The following MICU3 variants were observed in gnomAD, a reference collection of about 807,000 sequenced individuals.
The protein encoded by MICU3 is calcium uptake protein 3, mitochondrial.
MICU3 carries 62 observed loss-of-function variants against 66.5 expected under a neutral mutation model. The ratio of observed to expected loss-of-function variants is 0.93; its 90% CI spans 0.76 to 1.15. The LOEUF is 1.15. MICU3 is among the 50% of genes most tolerant of loss of function. MICU3 has a pLI of 0.00. For missense variants in MICU3, 779 were observed against 664.4 expected, an observed-to-expected ratio of 1.17 and a Z score of -1.90; for synonymous variants, 308 against 240.7, an observed-to-expected ratio of 1.28 and a Z score of -2.59.
At chr8:17,101,583 C>G (rs1385805899) in intron 9 of MICU3, among the ~76,000 whole-genome samples, 1 of 151,686 alleles carries the variant, frequency 6.6e-6, no homozygotes, top group Non-Finnish European at 1.5e-5. Context: ...AAAAACTGGC[C>G]GAATGAGGTC....
At chr8:17,117,517 A>T (rs1802797694) in intron 13 of MICU3, among the ~76,000 whole-genome samples, 2 of 152,268 alleles carry the variant, frequency 1.3e-5, no homozygotes, top group South Asian at 4.1e-4. Flanking sequence ...TGGATGTGCC[A>T]CAAATAGAAA....
chr8:17,116,158 C>A (rs1369542390), intron 12 of MICU3, among the ~76,000 whole-genome samples: 1 of 152,186 alleles, frequency 6.6e-6, no homozygotes, highest in Non-Finnish European at 1.5e-5. Flanking sequence ...AAAACCTATT[C>A]ATCTTACTAA....
intron 1 of MICU3, among the ~76,000 whole-genome samples, chr8:17,038,088 C>T (rs1283148137): frequency 1.3e-5 from 2 of 152,134 alleles, no homozygotes; most frequent in African/African-American, 4.8e-5. Context: ...AGATTTTGGA[C>T]TGTGGACTTT....
chr8:17,137,520 TTAA>T, the MICU3 span, among the ~76,000 whole-genome samples: 10 of 120,702 alleles, frequency 8.3e-5, no homozygotes, highest in Non-Finnish European at 1.3e-4. Context: ...CTGCTTTTTT[TTAA>T]AAAAAAAAAA....
chr8:17,070,179 T>C (rs1162974912), intron 3 of MICU3, among the ~76,000 whole-genome samples: 9 of 152,062 alleles, frequency 5.9e-5, no homozygotes, highest in African/African-American at 1.9e-4. Flanking sequence ...CTTGCTTATA[T>C]GCAGGAGAGG....
intron 8 of MICU3, among the ~76,000 whole-genome samples, chr8:17,096,517 C>G (rs1452225807): frequency 2.6e-5 from 4 of 151,802 alleles, no homozygotes; most frequent in Non-Finnish European, 5.9e-5. Context: ...AGGCATATCA[C>G]TGATTTATTA....
At chr8:17,052,634 T>C (rs1275326055) in intron 1 of MICU3, among the ~76,000 whole-genome samples, 1 of 152,188 alleles carries the variant, frequency 6.6e-6, no homozygotes, top group Non-Finnish European at 1.5e-5. Context: ...GAAGTACTAT[T>C]AGCTTGTCTT....
chr8:17,079,067 C>G (rs904459269), intron 4 of MICU3, among the ~76,000 whole-genome samples: 24 of 151,974 alleles, frequency 1.6e-4, no homozygotes, highest in Middle Eastern at 6.8e-3. Context: ...AAGAAAGAAC[C>G]TTTTTTAAGT....
chr8:17,039,549 G>C (rs947204914), intron 1 of MICU3, among the ~76,000 whole-genome samples: 1 of 152,108 alleles, frequency 6.6e-6, no homozygotes, highest in African/African-American at 2.4e-5. Context: ...TTACTTTTCA[G>C]TTTTAGTAAA....
chr8:17,124,942 G>A (rs992705954), downstream of MICU3, among the ~76,000 whole-genome samples: 6 of 151,786 alleles, frequency 4.0e-5, no homozygotes, highest in Admixed American at 2.0e-4. Flanking sequence ...TCAAATTAAT[G>A]TACCTTGATA....
intron 1 of MICU3, among the ~76,000 whole-genome samples, chr8:17,057,559 T>C (rs546199040): frequency 6.6e-6 from 1 of 152,292 alleles, no homozygotes; most frequent in Non-Finnish European, 1.5e-5. Flanking sequence ...TTGTTACAAT[T>C]AATATAAGTT....
downstream of MICU3, among the ~76,000 whole-genome samples, chr8:17,123,323 G>A (rs1271656263): frequency 2.2e-4 from 33 of 152,070 alleles, no homozygotes; most frequent in Admixed American, 2.2e-3. Context: ...CACAGAGAAA[G>A]TTTTCTGGGA....
In MICU3 at chr8:17,104,821, C is replaced by T. The variant is rs1349397227; in HGVS notation, c.1085+330C>T. Among the ~76,000 whole-genome samples the T allele has an allele frequency of 3.7e-5, 2 of 54,222 alleles. 1 individual carries two copies. Among genetic ancestry groups the T allele is most frequent in the Non-Finnish European group, 6.1e-5 (2 of 32,716 alleles). 35.6% of individuals were successfully genotyped at this position (54,222 alleles called of 152,430 possible). ...CCATCCTGGCTAACACGGTGAAACCCCGTCTCTACTAAAAATACAAAAAAT... is the reference window on the plus strand; with the variant it reads ...CCATCCTGGCTAACACGGTGAAACCTCGTCTCTACTAAAAATACAAAAAAT... On this transcript the variant is annotated intron_variant, in intron 10 of 14. Coordinates refer to ENST00000318063, the MANE Select transcript of MICU3 (RefSeq NM_181723.3).
chr8:17,101,947 G>T (rs1419288095), intron 9 of MICU3, among the ~76,000 whole-genome samples: 1 of 151,880 alleles, frequency 6.6e-6, no homozygotes, highest in African/African-American at 2.4e-5. Flanking sequence ...AGGGCTAAAT[G>T]ATTTAAATGT....
At chr8:17,078,318 C>T (rs186508576) in intron 4 of MICU3, among the ~76,000 whole-genome samples, 3 of 151,966 alleles carry the variant, frequency 2.0e-5, no homozygotes, top group Non-Finnish European at 4.4e-5. Flanking sequence ...CTTTGACAGC[C>T]TAATTTGGAC....
chr8:17,132,169 A>T, the MICU3 span: 4 of 152,228 alleles, frequency 2.6e-5, no homozygotes, highest in African/African-American at 7.2e-5. Flanking sequence ...TTGCATATAA[A>T]ATTTTTGTTA....
intron 1 of MICU3, among the ~76,000 whole-genome samples, chr8:17,039,749 T>G (rs1197704939): frequency 6.6e-6 from 1 of 151,762 alleles, no homozygotes; most frequent in African/African-American, 2.4e-5. Flanking sequence ...ACCCAAAGAT[T>G]AAAGGAAACA....
At chr8:17,035,707 C>CA (rs1812856808) in intron 1 of MICU3, among the ~76,000 whole-genome samples, 1 of 152,062 alleles carries the variant, frequency 6.6e-6, no homozygotes, top group Non-Finnish European at 1.5e-5. Context: ...TATGTATTCA[C>CA]AAAGATATGG....
the MICU3 span, among the ~76,000 whole-genome samples, chr8:17,133,463 C>T: frequency 3.0e-4 from 45 of 152,086 alleles, no homozygotes; most frequent in South Asian, 1.9e-3. Flanking sequence ...ATAAGTTGCA[C>T]GTATTCTTCC....
Sources: gnomAD v4.1 joint callset for allele counts (sites outside exome capture counted in the v4.1 genomes callset) on GRCh38, gnomAD v4.1.1 for gene constraint, MANE v1.5 for transcripts, NCBI Gene and HGNC (gene_info 2026-07-23, HGNC 2026-07-21) for gene names.